Variants in MEF2C observed in about 807,000 individuals in gnomAD.
The protein encoded by MEF2C is myocyte-specific enhancer factor 2C.
MEF2C carries 6 observed loss-of-function variants against 50.5 expected under a neutral mutation model. The ratio of observed to expected loss-of-function variants is 0.12; its 90% CI spans 0.07 to 0.23. MEF2C has a LOEUF of 0.23. MEF2C is among the 10% of genes least tolerant of loss of function. The pLI, the probability that MEF2C is intolerant of heterozygous loss-of-function variation, is 1.00. For missense variants in MEF2C, 276 were observed against 605.0 expected (o/e 0.46, Z 5.70); for synonymous variants, 183 against 228.0 (o/e 0.80, Z 1.78).
At position 88,728,529 on chromosome 5, in the gene MEF2C, A is replaced by T. The variant is rs1490177097; in HGVS notation, c.1064T>A (p.Leu355Gln). 6.5e-7 allele frequency: 1 copy of T among 1,534,934 alleles called. No individual in the cohort carries two copies. The highest frequency in any genetic ancestry group is 2.0e-5 in the Admixed American group (1 of 50,282). The change falls in exon 10 of 11, where the codon CTA becomes CAA. Residue 355 changes from leucine (L) to glutamine (Q), a missense_variant. By Grantham distance (113) the Leu-to-Gln change is moderately radical. Coordinates refer to ENST00000504921, the MANE Select transcript of MEF2C (RefSeq NM_002397.5). ...GSVTGWQQQH[L>Q]HNMPPSALSQ... The stretch of plus-strand genomic sequence containing the variant: ...GAGGGCAGATGGTGGCATGTTATGT[A>T]GGTGTTGCTGTTGCCAGCCAGTTAC...
At chr5:88,794,567 C>T (rs1795212558) in intron 3 of MEF2C, among the ~76,000 whole-genome samples, 1 of 152,070 alleles carries the variant, frequency 6.6e-6, no homozygotes, top group African/African-American at 2.4e-5. Flanking sequence ...ATAGATTGCA[C>T]AAATTTTCTT....
intron 4 of MEF2C, among the ~76,000 whole-genome samples, chr5:88,755,938 T>C (rs1775094601): frequency 6.6e-6 from 1 of 152,200 alleles, no homozygotes; most frequent in Non-Finnish European, 1.5e-5. Context: ...CCTCTGACTA[T>C]TATCCCCAAG....
chr5:88,743,826 ATAGTCAACAAT>A (rs1768032132), intron 6 of MEF2C: 5 of 984,554 alleles, frequency 5.1e-6, no homozygotes, highest in Non-Finnish European at 6.0e-6. Context: ...AATGCATAAA[ATAGTCAACAAT>A]TAACATTCAA....
chr5:88,793,586 T>C (rs1486508193), intron 3 of MEF2C, among the ~76,000 whole-genome samples: 1 of 152,172 alleles, frequency 6.6e-6, no homozygotes, highest in Non-Finnish European at 1.5e-5. Flanking sequence ...TCTGTTTTTT[T>C]CTCTTAAGAA....
chr5:88,786,887 T>G (rs547353940), intron 3 of MEF2C, among the ~76,000 whole-genome samples: 1 of 152,378 alleles, frequency 6.6e-6, no homozygotes, highest in East Asian at 1.9e-4. Context: ...TGTAACTGCT[T>G]TCCTTCTCCT....
intron 6 of MEF2C, chr5:88,735,218 C>T: frequency 2.0e-6 from 2 of 985,348 alleles, no homozygotes; most frequent in Non-Finnish European, 2.4e-6. Flanking sequence ...AATGCTGCGG[C>T]CTGTGTTGAG....
At chr5:88,805,823 CTTTTTTTTTTTT>C (rs869224140) in intron 2 of MEF2C, among the ~76,000 whole-genome samples, 2 of 61,592 alleles carry the variant, frequency 3.2e-5, no homozygotes, top group South Asian at 7.3e-4. Context: ...CGTGAACATT[CTTTTTTTTTTTT>C]TTTTTTTTTT....
intron 1 of MEF2C, among the ~76,000 whole-genome samples, chr5:88,857,144 G>A (rs1823722591): frequency 1.3e-5 from 2 of 152,230 alleles, no homozygotes; most frequent in Admixed American, 6.5e-5. Flanking sequence ...TGACCTTGAT[G>A]TGAGACATAG....
At chr5:88,821,270 G>GT (rs1415918235) in intron 2 of MEF2C, among the ~76,000 whole-genome samples, 7 of 151,660 alleles carry the variant, frequency 4.6e-5, no homozygotes, top group Non-Finnish European at 1.0e-4. Context: ...TTGTTTGTTT[G>GT]TTTTTTGTTT....
chr5:88,752,014 T>A lies in MEF2C; in HGVS notation c.432A>T (p.Pro144=). 6.2e-7 allele frequency: 1 copy of A among 1,610,228 alleles called. No homozygotes were observed. The highest frequency in any genetic ancestry group is 8.5e-7 in the Non-Finnish European group (1 of 1,177,584). The change falls in exon 5 of 11, where the codon CCA becomes CCT. Residue 144 remains proline, a synonymous_variant. Coordinates refer to ENST00000504921, the MANE Select transcript of MEF2C (RefSeq NM_002397.5). ...CAVPPPNFEM[P]VSIPVSSHNS... ...TGTGGCTGGACACTGGGATGGAGAC[T>A]GGCATCTCGAAGTTGGGAGGTGGAA...
chr5:88,842,830 A>C (rs1257384531), intron 1 of MEF2C, among the ~76,000 whole-genome samples: 1 of 152,196 alleles, frequency 6.6e-6, no homozygotes, highest in East Asian at 1.9e-4. Context: ...AAAATATGAC[A>C]TTCTGGGTTA....
chr5:88,882,051 T>A (rs1223177019), intron 1 of MEF2C, among the ~76,000 whole-genome samples: 1 of 152,214 alleles, frequency 6.6e-6, no homozygotes, highest in Non-Finnish European at 1.5e-5. Flanking sequence ...TCAGAAGTGA[T>A]TCAGATATAA....
intron 1 of MEF2C, among the ~76,000 whole-genome samples, chr5:88,854,333 T>A (rs1413142734): frequency 2.6e-5 from 4 of 152,152 alleles, no homozygotes; most frequent in African/African-American, 9.7e-5. Flanking sequence ...TAGAAATCAA[T>A]CAGGAAGTAT....
chr5:88,733,083 G>A (rs1762379689), intron 6 of MEF2C: 2 of 985,142 alleles, frequency 2.0e-6, no homozygotes, highest in Non-Finnish European at 2.4e-6. Flanking sequence ...GGCAGCGTAG[G>A]GTGAGGTGCC....
chr5:88,865,839 CAATT>C (rs2153435774), intron 1 of MEF2C, among the ~76,000 whole-genome samples: 1 of 152,100 alleles, frequency 6.6e-6, no homozygotes, highest in Non-Finnish European at 1.5e-5. Flanking sequence ...TCACTGAAAT[CAATT>C]AATTCCAAAT....
intron 6 of MEF2C, chr5:88,744,042 C>T: frequency 1.0e-6 from 1 of 974,344 alleles, no homozygotes; most frequent in Non-Finnish European, 1.2e-6. Flanking sequence ...TTTTTTTGAT[C>T]TCAACTATGA....
At chr5:88,807,124 G>A (rs1269882400) in intron 2 of MEF2C, among the ~76,000 whole-genome samples, 2 of 152,094 alleles carry the variant, frequency 1.3e-5, no homozygotes, top group African/African-American at 4.8e-5. Flanking sequence ...GACATTGAAG[G>A]TAGTATGGTA....
chr5:88,768,864 A>G (rs750028765), intron 3 of MEF2C, among the ~76,000 whole-genome samples: 2 of 152,230 alleles, frequency 1.3e-5, no homozygotes, highest in Non-Finnish European at 1.5e-5. Context: ...TAAGTTAGAA[A>G]GCAGTGCAAT....
chr5:88,844,170 G>A (rs541623655), intron 1 of MEF2C, among the ~76,000 whole-genome samples: 49 of 152,162 alleles, frequency 3.2e-4, no homozygotes, highest in Non-Finnish European at 5.4e-4. Context: ...CCCCAGGCAT[G>A]TTATTTCTAT....
Sources: allele counts gnomAD v4.1 joint callset (sites outside exome capture counted in the v4.1 genomes callset), GRCh38; gene constraint gnomAD v4.1.1; transcripts MANE v1.5; gene names NCBI Gene and HGNC (gene_info 2026-07-23, HGNC 2026-07-21).